Variants in KLHL14 observed in about 807,000 individuals in gnomAD.
KLHL14 encodes the protein kelch-like protein 14.
Under a neutral mutation model 64.3 loss-of-function variants are expected in KLHL14, and 22 were observed. The ratio of observed to expected loss-of-function variants is 0.34; its 90% CI spans 0.24 to 0.49. The LOEUF (loss-of-function observed/expected upper bound fraction) is 0.49, where lower values mean the gene tolerates loss of function less well. KLHL14 is among the 20% of genes least tolerant of loss of function. KLHL14 has a pLI of 0.99. For synonymous variants in KLHL14, 322 were observed against 333.4 expected (o/e 0.97, Z 0.37); for missense variants, 661 against 789.0 (o/e 0.84, Z 1.94).
chr18:32,700,808 A>G (rs1213818937), intron 3 of KLHL14, among the ~76,000 whole-genome samples: 2 of 152,096 alleles, frequency 1.3e-5, no homozygotes, highest in East Asian at 3.9e-4. Flanking sequence ...GGGGAGAGGG[A>G]GCGGCAAGGG....
chr18:32,725,622 C>T lies in KLHL14; in HGVS notation c.1069+16306G>A, dbSNP rs79535987. 4.4e-3 allele frequency among the ~76,000 whole-genome samples: 671 copies of T among 152,284 alleles called. 10 individuals are homozygous for T. The highest frequency in any genetic ancestry group is 0.028 in the South Asian group (136 of 4,818). ...CTGATTCAGTATTGTCCAGTGTCTG[C>T]GGAATGTGTCCTGTGAGCTAGGCAT... On this transcript the variant is annotated intron_variant, in intron 3 of 8. Transcript: ENST00000359358.
intron 3 of KLHL14, among the ~76,000 whole-genome samples, chr18:32,704,679 G>A (rs954503941): frequency 2.6e-5 from 4 of 151,984 alleles, no homozygotes; most frequent in African/African-American, 4.8e-5. Context: ...TCAAGATCGC[G>A]CCATTGCACT....
chr18:32,721,760 A>C (rs181181845), intron 3 of KLHL14, among the ~76,000 whole-genome samples: 2 of 152,284 alleles, frequency 1.3e-5, no homozygotes, highest in Non-Finnish European at 2.9e-5. Flanking sequence ...AAGTTGGGAA[A>C]AATTTTACCA....
chr18:32,726,639 AAATAAAAAT>A (rs1242297833), intron 3 of KLHL14, among the ~76,000 whole-genome samples: 4 of 150,742 alleles, frequency 2.7e-5, no homozygotes, highest in African/African-American at 9.9e-5. Context: ...ATAAATAAAT[AAATAAAAAT>A]AAAATAAAAT....
intron 2 of KLHL14, among the ~76,000 whole-genome samples, chr18:32,765,665 A>G (rs1391156438): frequency 6.6e-6 from 1 of 152,208 alleles, no homozygotes; most frequent in Non-Finnish European, 1.5e-5. Flanking sequence ...CTCAGTTCTT[A>G]GAAAGAGAAC....
intron 2 of KLHL14, among the ~76,000 whole-genome samples, chr18:32,752,761 G>A (rs1039363731): frequency 6.7e-6 from 1 of 149,948 alleles, no homozygotes; most frequent in African/African-American, 2.5e-5. Context: ...CTATTGTAGT[G>A]GTTCCCAATG....
At chr18:32,724,101 G>T (rs2050093477) in intron 3 of KLHL14, among the ~76,000 whole-genome samples, 1 of 152,158 alleles carries the variant, frequency 6.6e-6, no homozygotes, top group Non-Finnish European at 1.5e-5. Flanking sequence ...TCCTAATAAG[G>T]TTTCATAGAA....
At chr18:32,682,693 C>T (rs1481276400) in intron 5 of KLHL14, among the ~76,000 whole-genome samples, 1 of 152,188 alleles carries the variant, frequency 6.6e-6, no homozygotes, top group Non-Finnish European at 1.5e-5. Context: ...ATTTCCTCAA[C>T]CAGGCTTCAG....
chr18:32,710,697 G>A (rs1037593577), intron 3 of KLHL14, among the ~76,000 whole-genome samples: 2 of 152,146 alleles, frequency 1.3e-5, no homozygotes, highest in African/African-American at 4.8e-5. Context: ...GGCATGAGAA[G>A]AGTAATTGCT....
rs906421207 is a variant in KLHL14 at position 32,770,731 on chromosome 18, G to A, written c.-43-97C>T. ...GGGAAGGGTGTGGAGGGGAGGGGAG[G>A]GCGAAGAACAAGAATCAAGGCTCAG... On this transcript the variant is annotated intron_variant, in intron 1 of 8. Transcript: ENST00000359358. This position sits in a 1 kb window ranked among gnomAD's most constrained non-coding sequence, Gnocchi z 6.7. The A allele has an allele frequency of 5.2e-6, 3 of 581,368 alleles. No homozygotes were observed. Among genetic ancestry groups the A allele is most frequent in the African/African-American group, 3.9e-5 (2 of 51,600 alleles). The allele number at this position is 581,368 out of a possible 1,614,324, so 36.0% of individuals were successfully genotyped here.
At chr18:32,708,850 C>T (rs1363467206) in intron 3 of KLHL14, among the ~76,000 whole-genome samples, 2 of 152,188 alleles carry the variant, frequency 1.3e-5, no homozygotes, top group Admixed American at 6.5e-5. Context: ...TCAGAGAAGG[C>T]ATCCTGATGG....
intron 2 of KLHL14, among the ~76,000 whole-genome samples, chr18:32,753,286 A>G (rs1371287727): frequency 6.6e-6 from 1 of 152,178 alleles, no homozygotes; most frequent in African/African-American, 2.4e-5. Context: ...AAAACCTGTT[A>G]CATTCCAACT....
At chr18:32,685,935 A>T (rs2049875016) in intron 5 of KLHL14, among the ~76,000 whole-genome samples, 1 of 152,144 alleles carries the variant, frequency 6.6e-6, no homozygotes, top group African/African-American at 2.4e-5. Context: ...ATGTTATAAA[A>T]AGAGAGATAT....
intron 3 of KLHL14, among the ~76,000 whole-genome samples, chr18:32,711,328 A>G (rs1190514649): frequency 1.3e-5 from 2 of 152,160 alleles, no homozygotes; most frequent in Non-Finnish European, 2.9e-5. Context: ...AGGCAAGAAC[A>G]TTTTTATGTA....
intron 3 of KLHL14, among the ~76,000 whole-genome samples, chr18:32,706,110 A>G (rs183580348): frequency 2.0e-4 from 30 of 152,316 alleles, no homozygotes; most frequent in Admixed American, 1.5e-3. Context: ...AGCCTATTTC[A>G]CTGCAAAGAT....
At position 32,674,815 on chromosome 18, in the gene KLHL14, G is replaced by T. The variant is rs760718714; in HGVS notation, c.1747-18C>A. 4 of 777,238 alleles carry T rather than the reference G, an allele frequency of 5.1e-6. No individual in the cohort carries two copies. The Admixed American group carries it at 6.8e-5, about 13-fold the overall frequency. 48.1% of individuals were successfully genotyped at this position (777,238 alleles called of 1,614,324 possible). On this transcript the variant is annotated intron_variant, in intron 8 of 8. Transcript: ENST00000359358. ...TAGGCCCCCTGTAATGACAGAGGAG[G>T]GAGCATTTAGAGAAGGAAGCTAGAG...
At chr18:32,741,852 T>C (rs2050200085) in intron 3 of KLHL14, 76 bp downstream of exon 3, 5 of 1,366,878 alleles carry the variant, frequency 3.7e-6, no homozygotes, top group Non-Finnish European at 4.9e-6. Flanking sequence ...TGATTAACCA[T>C]GTTTTCAAAT....
chr18:32,762,305 G>A (rs1288912089), intron 2 of KLHL14, among the ~76,000 whole-genome samples: 5 of 151,854 alleles, frequency 3.3e-5, no homozygotes, highest in South Asian at 2.1e-4. Flanking sequence ...CATGATTTAA[G>A]TGTTTCTTGA....
rs1358379068 is a variant in KLHL14 at position 32,702,276 on chromosome 18, GAAA to G, written c.1070-6727_1070-6725del. Reference sequence around the variant, plus strand: ...ACATGCTGTTGAAAACAAATAACCTGAAAGAAAGATGCTTCCCTTTAATAATAT... The same window carrying G: ...ACATGCTGTTGAAAACAAATAACCTGGAAAGATGCTTCCCTTTAATAATAT... On this transcript the variant is annotated intron_variant, in intron 3 of 8. Transcript: ENST00000359358. 2.0e-5 allele frequency among the ~76,000 whole-genome samples: 3 copies of G among 150,450 alleles called. No homozygotes were observed. In the East Asian group the frequency reaches 5.8e-4, roughly 29 times the overall value.
Sources: gnomAD v4.1 joint callset for allele counts (sites outside exome capture counted in the v4.1 genomes callset) on GRCh38, gnomAD v4.1.1 for gene constraint, Gnocchi (gnomAD v3.1) non-coding constraint, MANE v1.5 for transcripts, NCBI Gene and HGNC (gene_info 2026-07-23, HGNC 2026-07-21) for gene names.